CNTNAP5: variants seen among roughly 807,000 people sequenced by gnomAD.
CNTNAP5 encodes contactin-associated protein-like 5.
In CNTNAP5, 72 loss-of-function variants were observed where a neutral mutation model predicts 150.2. That is an observed-to-expected ratio of 0.48 (90% CI 0.40 to 0.58). The LOEUF (loss-of-function observed/expected upper bound fraction) is 0.58. CNTNAP5 is among the 20% of genes least tolerant of loss of function. CNTNAP5 has a pLI of 0.00. For synonymous variants in CNTNAP5, 672 were observed against 619.8 expected, an observed-to-expected ratio of 1.08 and a Z score of -1.25; for missense variants, 1,636 against 1,626.2, an observed-to-expected ratio of 1.01 and a Z score of -0.10.
At chr2:124,733,552 T>A (rs182982517) in intron 13 of CNTNAP5, among the ~76,000 whole-genome samples, 1 of 152,212 alleles carries the variant, frequency 6.6e-6, no homozygotes, top group Admixed American at 6.5e-5. Flanking sequence ...ATTTTTTTTT[T>A]AATAAAAAAG....
chr2:124,178,752 T>C (rs1276107152), intron 1 of CNTNAP5, among the ~76,000 whole-genome samples: 6 of 152,180 alleles, frequency 3.9e-5, no homozygotes, highest in African/African-American at 1.2e-4. Flanking sequence ...TTAAAGAACT[T>C]CTAAGTTCAC....
chr2:124,783,995 A>C (rs1230107165), intron 17 of CNTNAP5, among the ~76,000 whole-genome samples: 2 of 152,190 alleles, frequency 1.3e-5, no homozygotes, highest in East Asian at 3.9e-4. Context: ...AACATAATTG[A>C]TAGTTAGTGT....
chr2:124,731,005 G>C (rs1378736704), intron 13 of CNTNAP5, among the ~76,000 whole-genome samples: 1 of 151,982 alleles, frequency 6.6e-6, no homozygotes, highest in Non-Finnish European at 1.5e-5. Context: ...TTATTCATTA[G>C]AAGAGCTGCT....
At chr2:124,400,499 A>G (rs983447368) in intron 3 of CNTNAP5, among the ~76,000 whole-genome samples, 2 of 152,074 alleles carry the variant, frequency 1.3e-5, no homozygotes, top group Non-Finnish European at 2.9e-5. Flanking sequence ...TACCTGAGTT[A>G]GCCTCTCCCT....
At chr2:124,223,404 T>C (rs1573848360) in intron 2 of CNTNAP5, among the ~76,000 whole-genome samples, 3 of 152,284 alleles carry the variant, frequency 2.0e-5, no homozygotes, top group Middle Eastern at 6.8e-3. Context: ...GGCCCAGGAA[T>C]GTCTGCCTTG....
At chr2:124,030,368 G>T (rs1290123227) in intron 1 of CNTNAP5, among the ~76,000 whole-genome samples, 2 of 152,080 alleles carry the variant, frequency 1.3e-5, no homozygotes, top group African/African-American at 4.8e-5. Flanking sequence ...TACAGATCCA[G>T]TTTACAGATG....
chr2:124,233,414 T>C (rs1051395072), intron 2 of CNTNAP5, among the ~76,000 whole-genome samples: 2 of 152,150 alleles, frequency 1.3e-5, no homozygotes, highest in Non-Finnish European at 2.9e-5. Context: ...CCTTAAGTGA[T>C]TCTGATGCTC....
intron 19 of CNTNAP5, among the ~76,000 whole-genome samples, chr2:124,861,550 T>C (rs959117338): frequency 9.9e-5 from 15 of 151,938 alleles, no homozygotes; most frequent in African/African-American, 3.6e-4. Flanking sequence ...ATCACGCCAC[T>C]GCACTCCAGC....
intron 12 of CNTNAP5, among the ~76,000 whole-genome samples, chr2:124,630,086 A>C (rs1677818360): frequency 6.6e-6 from 1 of 151,860 alleles, no homozygotes; most frequent in Non-Finnish European, 1.5e-5. Flanking sequence ...ATAGCCTACC[A>C]ACCAAAAAAA....
intron 14 of CNTNAP5, among the ~76,000 whole-genome samples, chr2:124,753,423 C>T (rs1680772595): frequency 6.6e-6 from 1 of 152,138 alleles, no homozygotes; most frequent in Non-Finnish European, 1.5e-5. Flanking sequence ...ATAGGTCAGG[C>T]CATAGCCATG....
At chr2:124,589,205 C>A (rs1265868816) in intron 11 of CNTNAP5, among the ~76,000 whole-genome samples, 2 of 152,138 alleles carry the variant, frequency 1.3e-5, no homozygotes, top group Admixed American at 6.5e-5. Context: ...CCTCCACCAC[C>A]CCCAGCCCCT....
chr2:124,174,072 T>C (rs1482852630), intron 1 of CNTNAP5, among the ~76,000 whole-genome samples: 2 of 149,356 alleles, frequency 1.3e-5, no homozygotes, highest in Non-Finnish European at 3.0e-5. Context: ...CATGATTTCC[T>C]GAATATGTTG....
intron 13 of CNTNAP5, among the ~76,000 whole-genome samples, chr2:124,687,946 C>T (rs991964813): frequency 6.6e-6 from 1 of 152,042 alleles, no homozygotes; most frequent in Non-Finnish European, 1.5e-5. Context: ...GTACATTTTA[C>T]TAGTACTAAT....
intron 22 of CNTNAP5, among the ~76,000 whole-genome samples, chr2:124,905,288 T>G (rs920711445): frequency 6.6e-6 from 1 of 151,628 alleles, no homozygotes; most frequent in African/African-American, 2.4e-5. Flanking sequence ...GAACAACAAA[T>G]GTTGGAGAGG....
At position 124,735,238 on chromosome 2, in the gene CNTNAP5, G is replaced by A. The variant is rs986365941; in HGVS notation, c.2078-11991G>A. Among the ~76,000 whole-genome samples the A allele has an allele frequency of 7.2e-5, 11 of 152,126 alleles. 1 individual carries two copies. The highest frequency in any genetic ancestry group is 7.2e-4 in the Admixed American group (11 of 15,264). Reference sequence around the variant, plus strand: ...TCCGTAAGACATCCCAGATCATTCTGATTCAAGTGGCCAGAGGCTATACTT... The same window carrying A: ...TCCGTAAGACATCCCAGATCATTCTAATTCAAGTGGCCAGAGGCTATACTT... On this transcript the variant is annotated intron_variant, in intron 13 of 23. Coordinates refer to ENST00000682447, the MANE Select transcript of CNTNAP5 (RefSeq NM_001367498.1).
intron 3 of CNTNAP5, among the ~76,000 whole-genome samples, chr2:124,291,987 A>G (rs1043575252): frequency 1.3e-5 from 2 of 152,018 alleles, no homozygotes; most frequent in Admixed American, 6.6e-5. Flanking sequence ...TCATAAAATA[A>G]TGAAGCTGTG....
chr2:124,057,183 C>T (rs1225771148), intron 1 of CNTNAP5, among the ~76,000 whole-genome samples: 1 of 152,014 alleles, frequency 6.6e-6, no homozygotes, highest in Non-Finnish European at 1.5e-5. Flanking sequence ...TTTTCCTGTG[C>T]ACCCTCACTG....
intron 19 of CNTNAP5, among the ~76,000 whole-genome samples, chr2:124,810,498 G>A (rs1682192096): frequency 6.6e-6 from 1 of 152,176 alleles, no homozygotes; most frequent in Admixed American, 6.5e-5. Context: ...AGAAATTAAA[G>A]TCTTTTAGAA....
chr2:124,459,615 G>T (rs1693201542), intron 6 of CNTNAP5, among the ~76,000 whole-genome samples: 1 of 151,908 alleles, frequency 6.6e-6, no homozygotes, highest in Non-Finnish European at 1.5e-5. Flanking sequence ...AACTGGGCAT[G>T]GTGCACACGC....
Sources: gnomAD v4.1 joint callset for allele counts (sites outside exome capture counted in the v4.1 genomes callset) on GRCh38, gnomAD v4.1.1 for gene constraint, MANE v1.5 for transcripts, NCBI Gene and HGNC (gene_info 2026-07-23, HGNC 2026-07-21) for gene names.